CORO6: variants seen among roughly 807,000 people sequenced by gnomAD.
The protein encoded by CORO6 is coronin 6.
Under a neutral mutation model 49.0 loss-of-function variants are expected in CORO6, and 43 were observed. That is an observed-to-expected ratio of 0.88 (90% confidence interval 0.69 to 1.13). The LOEUF is 1.13. Ranked by LOEUF, CORO6 falls within the 50% of genes most tolerant of loss-of-function variation. The pLI is 0.00. For missense variants in CORO6, 650 were observed against 647.0 expected (o/e 1.00, Z -0.05); for synonymous variants, 233 against 256.5 (o/e 0.91, Z 0.88).
At chr17:29,617,160 T>G in intron 6 of CORO6, 118 bp from the exon 7 acceptor site, 1 of 1,555,606 alleles carries the variant, frequency 6.4e-7, no homozygotes. Context: ...AAACCTCTAG[T>G]GACCAGAGTT....
chr17:29,617,149 C>T, intron 6 of CORO6, 107 bp from the exon 7 acceptor site: 1 of 1,569,664 alleles, frequency 6.4e-7, no homozygotes, highest in Non-Finnish European at 8.6e-7. Flanking sequence ...CCCTATGCCC[C>T]AAACCTCTAG....
chr17:29,618,246 GCACGCGGCC>G (rs953006711), intron 5 of CORO6: 2 of 1,309,666 alleles, frequency 1.5e-6, no homozygotes, highest in African/African-American at 3.1e-5. Flanking sequence ...ACGCAGACAT[GCACGCGGCC>G]CACGCACCCG....
chr17:29,618,216 G>C, intron 5 of CORO6: 2 of 1,323,570 alleles, frequency 1.5e-6, no homozygotes, highest in Non-Finnish European at 1.9e-6. Flanking sequence ...AGCCCCGACC[G>C]CTCTCGGCGC....
chr17:29,617,664 C>T, intron 5 of CORO6, 45 bp from the exon 6 acceptor site: 2 of 1,529,608 alleles, frequency 1.3e-6, no homozygotes. Context: ...CAGCTGCCTG[C>T]CCTGAGGAGC....
chr17:29,617,420 C>T lies in CORO6; in HGVS notation c.753+80G>A. The T allele has an allele frequency of 1.9e-6, 3 of 1,552,002 alleles. No homozygotes were observed. In the South Asian group the frequency reaches 3.6e-5, roughly 18 times the overall value. On this transcript the variant is annotated intron_variant, in intron 6 of 10. Coordinates refer to ENST00000388767, the MANE Select transcript of CORO6 (RefSeq NM_032854.4). The stretch of plus-strand genomic sequence containing the variant: ...TTCAGTCCTGTCCAGGTGGGCATGC[C>T]CTGCGGGTGGGGGGCGCCTGGCCAC...
chr17:29,622,144 T>A (rs2035336852), intron 1 of CORO6: 1 of 153,438 alleles, frequency 6.5e-6, no homozygotes, highest in African/African-American at 2.4e-5. Flanking sequence ...GAAGCCCTGA[T>A]CATGGTCTTC....
chr17:29,622,601 G>A (rs1016595885), intron 1 of CORO6, 87 bp downstream of exon 1: 3 of 747,932 alleles, frequency 4.0e-6, no homozygotes, highest in South Asian at 4.1e-5. Flanking sequence ...TTGGCGGCGC[G>A]GGGGGAGGAG....
rs960741841 is a variant in CORO6, at chr17:29,621,779, C to T, written c.-63-295G>A. ...GAGCCTCAATGCCACACTGCCTGCACCCCCCGCCCCCACCACCGCCAGCCT... is the reference window on the plus strand; with the variant it reads ...GAGCCTCAATGCCACACTGCCTGCATCCCCCGCCCCCACCACCGCCAGCCT... On this transcript the variant is annotated intron_variant, in intron 1 of 10. Transcript: ENST00000388767. This position sits in a 1 kb window ranked among gnomAD's most constrained non-coding sequence, Gnocchi z 4.2. 6 of 265,676 alleles carry T rather than the reference C, an allele frequency of 2.3e-5. 1 individual carries two copies. In the South Asian group the frequency reaches 2.8e-4, roughly 13 times the overall value. The allele number at this position is 265,676 out of a possible 1,614,324, so 16.5% of individuals were successfully genotyped here.
At position 29,615,869 on chromosome 17, in the gene CORO6, G is replaced by A; in HGVS notation, c.1294-12C>T. 1 of 1,600,780 alleles carries A rather than the reference G, an allele frequency of 6.2e-7. No homozygotes were observed. The highest frequency in any genetic ancestry group is 8.5e-7 in the Non-Finnish European group (1 of 1,174,490). Reference sequence around the variant, plus strand: ...AGGGTGTGCTGCTGCTGGGGCGGAGGACAGAGAGGCCGTGTCGTATAGGGG... The same window carrying A: ...AGGGTGTGCTGCTGCTGGGGCGGAGAACAGAGAGGCCGTGTCGTATAGGGG... On this transcript the variant is annotated splice_polypyrimidine_tract_variant and intron_variant, in intron 10 of 10. Transcript: ENST00000388767.
In CORO6 at chr17:29,618,818, A is replaced by G. The variant is rs771317541; in HGVS notation, c.605T>C (p.Ile202Thr). The G allele has an allele frequency of 1.4e-5, 22 of 1,613,940 alleles. No individual in the cohort carries two copies. The highest frequency in any genetic ancestry group is 6.6e-5 in the South Asian group (6 of 91,074). Residue 202 changes from isoleucine (I) to threonine (T), a missense_variant, in exon 5 of 11, where the codon ATT becomes ACT. Physicochemically the swap from Ile to Thr is moderately conservative, Grantham distance 89. Coordinates refer to ENST00000388767, the MANE Select transcript of CORO6 (RefSeq NM_032854.4). ...TTCKDKTLRI[I>T]DPRKGQVVAE... is the part of the protein sequence containing the mutation. ...CACCACTTGGCCTTTTCTGGGGTCA[A>G]TGATGCGCAAGGTCTTGTCCTTGCA...
rs2034978127 is a variant in CORO6, at chr17:29,616,904, C to T, written c.858+34G>A. ...GGACAAGGCCCTCCACATCTCCATC[C>T]AGTGCCCTGTTCTCCCTGCCCGGCC... On this transcript the variant is annotated intron_variant, in intron 7 of 10. Coordinates refer to ENST00000388767, the MANE Select transcript of CORO6 (RefSeq NM_032854.4). The surrounding 1 kb of genome is among the most constrained non-coding windows in gnomAD (Gnocchi z 5.6). The T allele has an allele frequency of 1.2e-6, 2 of 1,613,684 alleles. No individual in the cohort carries two copies. Among genetic ancestry groups the T allele is most frequent in the Non-Finnish European group, 8.5e-7 (1 of 1,179,990 alleles).
Position 29,615,803 on chromosome 17 carries a change from C to A in CORO6, c.1348G>T (p.Val450Leu), listed in dbSNP as rs772136445. Residue 450 changes from valine to leucine, a missense_variant, in exon 11 of 11, where the codon GTG becomes TTG. Val to Leu is a conservative substitution (Grantham distance 32). Transcript: ENST00000388767. ...LEEIKALRER[V>L]QAQEQRITAL... Reference sequence around the variant, plus strand: ...GTGATGCGCTGCTCCTGGGCCTGCACCCGCTCGCGGAGGGCCTTGATCTCT... The same window carrying A: ...GTGATGCGCTGCTCCTGGGCCTGCAACCGCTCGCGGAGGGCCTTGATCTCT... The A allele has an allele frequency of 2.6e-6, 4 of 1,568,486 alleles. No homozygotes were observed. Among genetic ancestry groups the A allele is most frequent in the Non-Finnish European group, 3.5e-6 (4 of 1,157,816 alleles).
At chr17:29,617,229 C>A in intron 6 of CORO6, 187 bp from the exon 7 acceptor site, 2 of 1,536,450 alleles carry the variant, frequency 1.3e-6, no homozygotes, top group Non-Finnish European at 1.7e-6. Context: ...CTCCTCCTCC[C>A]CTGCACATAT....
intron 3 of CORO6, 66 bp downstream of exon 3, chr17:29,619,585 G>A: frequency 6.5e-7 from 1 of 1,531,318 alleles, no homozygotes; most frequent in Non-Finnish European, 9.0e-7. Flanking sequence ...ACCTTCCCCA[G>A]CACAGGTGAG....
In CORO6 at chr17:29,615,777, C is replaced by G. The variant is rs753816432; in HGVS notation, c.1374G>C (p.Thr458=). ...ERVQAQEQRI[T]ALENMLCELV... ...GCTCGCACAGCATGTTCTCCAGAGC[C>G]GTGATGCGCTGCTCCTGGGCCTGCA... The change falls in exon 11 of 11, where the codon ACG becomes ACC. Residue 458 remains threonine, a synonymous_variant. Transcript: ENST00000388767. 9 of 1,555,998 alleles carry G rather than the reference C, an allele frequency of 5.8e-6. No homozygotes were observed. The Admixed American group carries it at 7.7e-5, about 13-fold the overall frequency.
chr17:29,615,947 A>T lies in CORO6; in HGVS notation c.1291T>A (p.Ser431Thr). The change falls in exon 10 of 11, where the codon TCG becomes ACG. Residue 431 changes from serine to threonine, a missense_variant and splice_region_variant. Physicochemically the swap from Ser to Thr is moderately conservative, Grantham distance 58. Coordinates refer to ENST00000388767, the MANE Select transcript of CORO6 (RefSeq NM_032854.4). The stretch of plus-strand genomic sequence containing the variant: ...GAGTGCAGCAGGGCCGATCTTACCG[A>T]CAAGGGGGCGTCGCTGGCCGACTGG... ...RSQSASDAPL[S>T]QQHTLETLLE... The T allele has an allele frequency of 6.3e-7, 1 of 1,579,988 alleles. No individual in the cohort carries two copies. Among genetic ancestry groups the T allele is most frequent in the Non-Finnish European group, 8.6e-7 (1 of 1,161,804 alleles).
At chr17:29,618,110 C>A (rs1338914200) in intron 5 of CORO6, 12 of 1,454,084 alleles carry the variant, frequency 8.3e-6, no homozygotes, top group East Asian at 2.9e-5. Flanking sequence ...AGCAGCTTCC[C>A]GTCTGCGGTG....
At chr17:29,622,519 T>G (rs568267864) in intron 1 of CORO6, among the ~76,000 whole-genome samples, 169 bp downstream of exon 1, 1 of 152,332 alleles carries the variant, frequency 6.6e-6, no homozygotes, top group African/African-American at 2.4e-5. Context: ...ACGAGGTGTC[T>G]GCGCCCTCCG....
In CORO6 at chr17:29,617,733, G is replaced by A; in HGVS notation, c.634-114C>T. On this transcript the variant is annotated intron_variant, in intron 5 of 10. Coordinates refer to ENST00000388767, the MANE Select transcript of CORO6 (RefSeq NM_032854.4). ...GTGTCCGGGGTGGAGGAGCGGATGC[G>A]GGGAAGAGACAAATGGGGCCTAAGC... 4.2e-6 allele frequency: 5 copies of A among 1,180,438 alleles called. No individual in the cohort carries two copies. The South Asian group carries it at 6.3e-5, about 15-fold the overall frequency. The allele number at this position is 1,180,438 out of a possible 1,614,324, so 73.1% of individuals were successfully genotyped here. A position where few individuals can be genotyped will look rare whatever the true frequency, so the allele number is the denominator to read the frequency against.
Sources: allele counts gnomAD v4.1 joint callset (sites outside exome capture counted in the v4.1 genomes callset), GRCh38; gene constraint gnomAD v4.1.1; non-coding constraint Gnocchi (gnomAD v3.1); transcripts MANE v1.5; gene names NCBI Gene and HGNC (gene_info 2026-07-23, HGNC 2026-07-21).